Variants in SULT1C3 observed in about 807,000 individuals in gnomAD.
SULT1C3 encodes the protein sulfotransferase 1C3.
A neutral mutation model predicts 28.4 loss-of-function variants in SULT1C3; 31 were observed. The ratio of observed to expected loss-of-function variants is 1.09; its 90% CI spans 0.82 to 1.47. The LOEUF is 1.47. Among genes scored for constraint, SULT1C3 ranks in the 40% most tolerant of loss-of-function variants. The pLI, the probability that SULT1C3 is intolerant of heterozygous loss-of-function variation, is 0.00. For missense variants in SULT1C3, 307 were observed against 272.5 expected, an observed-to-expected ratio of 1.13 and a Z score of -0.89; for synonymous variants, 106 against 92.2, an observed-to-expected ratio of 1.15 and a Z score of -0.86.
intron 1 of SULT1C3, among the ~76,000 whole-genome samples, chr2:108,246,811 A>C (rs777293242): frequency 4.6e-5 from 7 of 152,218 alleles, no homozygotes; most frequent in Non-Finnish European, 8.8e-5. Flanking sequence ...ACAATGAAGC[A>C]ATATATGACA....
intron 5 of SULT1C3, among the ~76,000 whole-genome samples, chr2:108,257,218 G>A (rs1200357132): frequency 1.3e-5 from 2 of 151,758 alleles, no homozygotes; most frequent in African/African-American, 4.8e-5. Context: ...AAGGTCTTAA[G>A]AGAAAAAAAA....
chr2:108,256,163 T>C (rs935550649), intron 5 of SULT1C3, among the ~76,000 whole-genome samples: 3 of 151,964 alleles, frequency 2.0e-5, no homozygotes, highest in Non-Finnish European at 4.4e-5. Flanking sequence ...TGCAGGAACC[T>C]CACATTAGAA....
chr2:108,265,221 G>T (rs1676106983), downstream of SULT1C3: 1 of 1,606,602 alleles, frequency 6.2e-7, no homozygotes, highest in African/African-American at 1.3e-5. Context: ...CAATCATTAA[G>T]ATTTTGCCTT....
At chr2:108,243,043 G>A (rs531887062) in intron 1 of SULT1C3, among the ~76,000 whole-genome samples, 1 of 152,044 alleles carries the variant, frequency 6.6e-6, no homozygotes, top group Non-Finnish European at 1.5e-5. Flanking sequence ...TAAGATTTTT[G>A]ACTTTTCAAT....
rs1675937744 is a variant in SULT1C3, at chr2:108,258,730, C to T, written c.527-4C>T. On this transcript the variant is annotated splice_polypyrimidine_tract_variant and splice_region_variant and intron_variant, in intron 5 of 7. Coordinates refer to ENST00000681802, the MANE Select transcript of SULT1C3 (RefSeq NM_001320878.2). The stretch of plus-strand genomic sequence containing the variant: ...GGAACTAACAGTGCTCTGACTTCTT[C>T]CAGTTGTTGGCGGGTCCTGGTTTGA... 2 of 1,610,872 alleles carry T rather than the reference C, an allele frequency of 1.2e-6. No homozygotes were observed. Among genetic ancestry groups the T allele is most frequent in the East Asian group, 2.2e-5 (1 of 44,816 alleles).
In SULT1C3 at chr2:108,252,147, T is replaced by TTAGATAGATAGA. The variant is rs57768246; in HGVS notation, c.173-188_173-177dup. On this transcript the variant is annotated intron_variant, in intron 2 of 7. Transcript: ENST00000681802. ...GATACATAAAGAAACAGATGATAGA[T>TTAGATAGATAGA]TAGATAGATAGATAGATAGATAGAT... Among the ~76,000 whole-genome samples, 292 of 149,072 alleles carry TTAGATAGATAGA rather than the reference T, an allele frequency of 2.0e-3. 1 individual carries two copies. Among genetic ancestry groups the TTAGATAGATAGA allele is most frequent in the East Asian group, 0.015 (74 of 4,980 alleles).
At chr2:108,248,165 G>A (rs1252024842) in intron 2 of SULT1C3, among the ~76,000 whole-genome samples, 3 of 152,094 alleles carry the variant, frequency 2.0e-5, no homozygotes, top group Non-Finnish European at 4.4e-5. Flanking sequence ...ACATGTAGAA[G>A]GATACAAGAA....
rs34424483 is a variant in SULT1C3 at position 108,249,845 on chromosome 2, CA to C, written c.172+2483del. Among the ~76,000 whole-genome samples the C allele has an allele frequency of 3.3e-3, 506 of 152,100 alleles. 1 individual carries two copies. The highest frequency in any genetic ancestry group is 5.7e-3 in the Non-Finnish European group (388 of 67,958). On this transcript the variant is annotated intron_variant, in intron 2 of 7. Transcript: ENST00000681802. ...TGACATTTAACTCAGCTTCAACATTCAAAAGACTGTGATACTGTTGATATTG... is the reference window on the plus strand; with the variant it reads ...TGACATTTAACTCAGCTTCAACATTCAAAGACTGTGATACTGTTGATATTG...
chr2:108,252,528 A>C (rs1675758110), intron 3 of SULT1C3, 35 bp downstream of exon 3: 1 of 1,608,788 alleles, frequency 6.2e-7, no homozygotes, highest in Non-Finnish European at 8.5e-7. Context: ...AAGGACTTTC[A>C]CTTCAGGATT....
At chr2:108,256,301 AG>A (rs1675866084) in intron 5 of SULT1C3, among the ~76,000 whole-genome samples, 1 of 152,072 alleles carries the variant, frequency 6.6e-6, no homozygotes, top group Admixed American at 6.6e-5. Flanking sequence ...CAGATTGGCA[AG>A]GATCTCAAAC....
chr2:108,243,397 C>T (rs1279265070), intron 1 of SULT1C3, among the ~76,000 whole-genome samples: 9 of 152,118 alleles, frequency 5.9e-5, no homozygotes, highest in East Asian at 5.8e-4. Flanking sequence ...TTTAGGAGGC[C>T]GAGGCAGGTG....
Position 108,247,229 on chromosome 2 carries a change from A to C in SULT1C3, c.35A>C (p.Glu12Ala), listed in dbSNP as rs1217858822. The C allele has an allele frequency of 1.9e-6, 3 of 1,539,318 alleles. No homozygotes were observed. Among genetic ancestry groups the C allele is most frequent in the Non-Finnish European group, 2.6e-6 (3 of 1,137,806 alleles). The change falls in exon 2 of 8, where the codon GAA (glutamate) becomes GCA (alanine). Residue 12 changes from glutamate (E) to alanine (A), a missense_variant. Physicochemically the swap from Glu to Ala is moderately radical, Grantham distance 107. Coordinates refer to ENST00000681802, the MANE Select transcript of SULT1C3 (RefSeq NM_001320878.2). ...AKIEKNAPTM[E>A]KKPELFNIME... ...ATTGAGAAAAACGCTCCCACGATGG[A>C]AAAAAAGCCAGAACTGTTTAACATC...
chr2:108,246,192 C>CT (rs1201889456), intron 1 of SULT1C3, among the ~76,000 whole-genome samples: 1 of 152,164 alleles, frequency 6.6e-6, no homozygotes, highest in Non-Finnish European at 1.5e-5. Flanking sequence ...TAGAAAGTTC[C>CT]AAACTTTCCC....
intron 2 of SULT1C3, among the ~76,000 whole-genome samples, chr2:108,248,188 GGCTCTCACAGTA>G (rs1415794075): frequency 6.6e-6 from 1 of 152,060 alleles, no homozygotes; most frequent in Non-Finnish European, 1.5e-5. Flanking sequence ...AACGTGAAGG[GGCTCTCACAGTA>G]GCCACATTTG....
At chr2:108,244,095 T>C (rs949742738) in intron 1 of SULT1C3, among the ~76,000 whole-genome samples, 6 of 151,848 alleles carry the variant, frequency 4.0e-5, no homozygotes, top group Non-Finnish European at 8.8e-5. Flanking sequence ...CAGAAAGACA[T>C]GCAAAGCACA....
rs1188573084 is a variant in SULT1C3 at position 108,240,034 on chromosome 2, C to A, written c.-57C>A. Among the ~76,000 whole-genome samples, 1 of 152,210 alleles carries A rather than the reference C, an allele frequency of 6.6e-6. No homozygotes were observed. Among genetic ancestry groups the A allele is most frequent in the African/African-American group, 2.4e-5 (1 of 41,454 alleles). On this transcript the variant is annotated 5_prime_UTR_variant, in exon 1 of 8. Coordinates refer to ENST00000681802, the MANE Select transcript of SULT1C3 (RefSeq NM_001320878.2). ...GACCTGGCTCTGGGTTTCCAGGAAG[C>A]AGTTTGACTAAAGGCAGCAAGCTGC... is the stretch of plus-strand genomic sequence containing the variant.
intron 3 of SULT1C3, among the ~76,000 whole-genome samples, chr2:108,253,003 T>A (rs1675771297): frequency 6.6e-6 from 1 of 151,564 alleles, no homozygotes; most frequent in South Asian, 2.1e-4. Flanking sequence ...TGACAACCTA[T>A]TGTAAAAAAA....
At chr2:108,265,138 C>A, downstream of SULT1C3, 2 of 1,440,764 alleles carry the variant, frequency 1.4e-6, no homozygotes, top group Admixed American at 2.1e-5. Context: ...CTTTGAGAGG[C>A]AAGTTGCCTG....
chr2:108,263,427 C>T (rs1370396236), downstream of SULT1C3, among the ~76,000 whole-genome samples: 1 of 152,184 alleles, frequency 6.6e-6, no homozygotes, highest in Non-Finnish European at 1.5e-5. Context: ...CTGCCTGCCA[C>T]AATCCCCACT....
Sources: gnomAD v4.1 joint callset for allele counts (sites outside exome capture counted in the v4.1 genomes callset) on GRCh38, gnomAD v4.1.1 for gene constraint, MANE v1.5 for transcripts, NCBI Gene and HGNC (gene_info 2026-07-23, HGNC 2026-07-21) for gene names.